The following RIT2 variants were observed in gnomAD, a reference collection of about 807,000 sequenced individuals.
The protein encoded by RIT2 is Ras like without CAAX 2, also known as GTP-binding protein Rit2.
A neutral mutation model predicts 23.7 loss-of-function variants in RIT2; 24 were observed. That is an observed-to-expected ratio of 1.01 (90% CI 0.73 to 1.43). RIT2 has a LOEUF of 1.43. RIT2 is among the 40% of genes most tolerant of loss of function. The pLI is 0.00. For synonymous variants in RIT2, 107 were observed against 91.1 expected (o/e 1.17, Z -0.99); for missense variants, 236 against 266.9 (o/e 0.88, Z 0.81).
intron 4 of RIT2, among the ~76,000 whole-genome samples, chr18:42,895,293 A>G (rs2144099592): frequency 6.6e-6 from 1 of 152,298 alleles, no homozygotes; most frequent in Non-Finnish European, 1.5e-5. Flanking sequence ...ATTACCAATT[A>G]AAGATTTCAG....
chr18:43,024,444 A>C (rs1911663735), intron 2 of RIT2, among the ~76,000 whole-genome samples: 1 of 152,104 alleles, frequency 6.6e-6, no homozygotes. Context: ...ACCTAAAAAT[A>C]TATTTTTTAA....
chr18:43,062,721 T>C (rs1202250382), intron 1 of RIT2, among the ~76,000 whole-genome samples: 2 of 152,132 alleles, frequency 1.3e-5, no homozygotes, highest in Non-Finnish European at 2.9e-5. Context: ...TTGATAAATA[T>C]GAATCTTATT....
chr18:42,967,949 C>T (rs1377276474), intron 3 of RIT2, among the ~76,000 whole-genome samples: 1 of 151,778 alleles, frequency 6.6e-6, no homozygotes, highest in Non-Finnish European at 1.5e-5. Flanking sequence ...TTTCTAGAAA[C>T]CCAGTTTTAG....
chr18:42,803,492 T>C (rs1905597180), intron 4 of RIT2, among the ~76,000 whole-genome samples: 1 of 152,186 alleles, frequency 6.6e-6, no homozygotes, highest in African/African-American at 2.4e-5. Context: ...GCCATGTGAG[T>C]ATGTTTGCAG....
At chr18:43,031,981 C>T (rs1911864660) in intron 2 of RIT2, among the ~76,000 whole-genome samples, 1 of 152,056 alleles carries the variant, frequency 6.6e-6, no homozygotes, top group Admixed American at 6.6e-5. Flanking sequence ...TTATTTCAGA[C>T]TTTTACCTTC....
intron 1 of RIT2, among the ~76,000 whole-genome samples, chr18:43,083,606 C>A (rs192399293): frequency 6.6e-6 from 1 of 152,160 alleles, no homozygotes; most frequent in East Asian, 1.9e-4. Flanking sequence ...CTTTTACAAA[C>A]CTGACAAAAA....
chr18:42,825,035 T>C (rs977576220), intron 4 of RIT2, among the ~76,000 whole-genome samples: 14 of 151,884 alleles, frequency 9.2e-5, no homozygotes, highest in African/African-American at 3.4e-4. Context: ...TATAACCAGT[T>C]CTACAATTTT....
At chr18:43,078,061 A>G (rs1356357280) in intron 1 of RIT2, among the ~76,000 whole-genome samples, 1 of 152,218 alleles carries the variant, frequency 6.6e-6, no homozygotes, top group Non-Finnish European at 1.5e-5. Context: ...TAAAAAAAGC[A>G]TCTTCCTGTG....
At chr18:42,962,756 T>C (rs1045896322) in intron 3 of RIT2, among the ~76,000 whole-genome samples, 4 of 152,238 alleles carry the variant, frequency 2.6e-5, no homozygotes, top group Non-Finnish European at 1.5e-5. Flanking sequence ...CCCCTATTTC[T>C]GTGAGTAGTC....
chr18:42,988,216 TA>T (rs980402416), intron 2 of RIT2, among the ~76,000 whole-genome samples: 20 of 151,388 alleles, frequency 1.3e-4, no homozygotes, highest in African/African-American at 2.4e-4. Flanking sequence ...TACTTTACTT[TA>T]AAAAAAAAGT....
chr18:42,990,755 T>G (rs1910822900), intron 2 of RIT2, among the ~76,000 whole-genome samples: 1 of 152,148 alleles, frequency 6.6e-6, no homozygotes, highest in Non-Finnish European at 1.5e-5. Flanking sequence ...TTATTTAATT[T>G]GCACAACACA....
intron 1 of RIT2, among the ~76,000 whole-genome samples, chr18:43,053,025 C>T (rs1479484829): frequency 6.6e-6 from 1 of 152,024 alleles, no homozygotes; most frequent in Non-Finnish European, 1.5e-5. Flanking sequence ...CAACTTTTAA[C>T]AGGAAACACT....
chr18:43,083,887 A>T (rs1598776367), intron 1 of RIT2, among the ~76,000 whole-genome samples: 1 of 152,188 alleles, frequency 6.6e-6, no homozygotes, highest in African/African-American at 2.4e-5. Context: ...GACAAATGAG[A>T]TCTAATTAAA....
At chr18:42,826,875 A>T (rs1331705146) in intron 4 of RIT2, among the ~76,000 whole-genome samples, 2 of 152,164 alleles carry the variant, frequency 1.3e-5, no homozygotes, top group Non-Finnish European at 2.9e-5. Context: ...TAGTAAAATA[A>T]AATACATACT....
intron 2 of RIT2, among the ~76,000 whole-genome samples, chr18:43,001,241 T>G (rs1312807597): frequency 1.3e-5 from 2 of 151,952 alleles, no homozygotes; most frequent in Non-Finnish European, 2.9e-5. Context: ...ATGTTCAGCC[T>G]AGAGAGGGGA....
intron 3 of RIT2, among the ~76,000 whole-genome samples, chr18:42,941,144 G>T (rs1020802385): frequency 6.6e-6 from 1 of 152,122 alleles, no homozygotes; most frequent in African/African-American, 2.4e-5. Context: ...GGGATATCCA[G>T]ACAGAGACTT....
intron 4 of RIT2, among the ~76,000 whole-genome samples, chr18:42,747,464 G>T (rs1232629188): frequency 6.6e-6 from 1 of 151,992 alleles, no homozygotes; most frequent in Admixed American, 6.6e-5. Flanking sequence ...CTGTGAAAAT[G>T]ACCATGCTGC....
At chr18:42,971,883 T>C (rs1039938565) in intron 3 of RIT2, among the ~76,000 whole-genome samples, 15 of 152,004 alleles carry the variant, frequency 9.9e-5, no homozygotes, top group Admixed American at 7.9e-4. Flanking sequence ...AGCAGTGACA[T>C]AGTCAAGTCT....
chr18:42,971,199 T>C (rs1431423966), intron 3 of RIT2, among the ~76,000 whole-genome samples: 2 of 152,046 alleles, frequency 1.3e-5, no homozygotes, highest in Non-Finnish European at 2.9e-5. Context: ...AGAATTTCAA[T>C]GGTGTTCTCT....
Sources: allele counts gnomAD v4.1 joint callset (sites outside exome capture counted in the v4.1 genomes callset), GRCh38; gene constraint gnomAD v4.1.1; transcripts MANE v1.5; gene names NCBI Gene and HGNC (gene_info 2026-07-23, HGNC 2026-07-21).